Variants in ITGB8 observed in about 807,000 individuals in gnomAD.
The protein encoded by ITGB8 is integrin subunit beta 8, also known as integrin beta-8.
A neutral mutation model predicts 89.5 loss-of-function variants in ITGB8; 30 were observed. That is an observed-to-expected ratio of 0.34 (90% confidence interval 0.25 to 0.45). ITGB8 has a LOEUF of 0.45. Ranked by LOEUF, ITGB8 falls within the 20% of genes least tolerant of loss-of-function variation. The probability of loss-of-function intolerance (pLI) is 1.00; values close to 1 mark genes in which losing one functional copy is unlikely to be tolerated. For synonymous variants in ITGB8, 335 were observed against 320.4 expected (o/e 1.05, Z -0.49); for missense variants, 836 against 933.3 (o/e 0.90, Z 1.36).
At chr7:20,390,425 A>G (rs1030652196) in intron 6 of ITGB8, among the ~76,000 whole-genome samples, 1 of 152,106 alleles carries the variant, frequency 6.6e-6, no homozygotes, top group Non-Finnish European at 1.5e-5. Context: ...ACCTAACTAT[A>G]TAACTCTAGA....
At position 20,361,369 on chromosome 7, in the gene ITGB8, G is replaced by T. The variant is rs1475747881; in HGVS notation, c.128-2268G>T. On this transcript the variant is annotated intron_variant, in intron 1 of 13. Transcript: ENST00000222573. ...TGTACTGCTAAAACAAAATATCTGT[G>T]ACTGGGTAATTTACAAACAATACAA... Among the ~76,000 whole-genome samples the T allele has an allele frequency of 2.0e-5, 3 of 152,188 alleles. No individual in the cohort carries two copies. In the East Asian group the frequency reaches 5.8e-4, roughly 29 times the overall value.
chr7:20,379,356 T>C, intron 4 of ITGB8, 59 bp downstream of exon 4: 2 of 1,195,862 alleles, frequency 1.7e-6, no homozygotes, highest in Non-Finnish European at 2.3e-6. Flanking sequence ...AATCTCACTT[T>C]GTTTTTAATG....
chr7:20,392,395 C>T (rs1162867695), intron 7 of ITGB8, among the ~76,000 whole-genome samples: 1 of 152,212 alleles, frequency 6.6e-6, no homozygotes, highest in Admixed American at 6.5e-5. Context: ...TCAATAAATA[C>T]TTGAACCCAT....
intron 1 of ITGB8, among the ~76,000 whole-genome samples, chr7:20,360,362 A>G (rs75280393): frequency 8.6e-5 from 1 of 11,586 alleles, no homozygotes; most frequent in Admixed American, 6.1e-4. Flanking sequence ...TTTTTTTTTT[A>G]CTTGAGTAGC....
chr7:20,337,332 T>TA (rs888727875), intron 1 of ITGB8, among the ~76,000 whole-genome samples: 1 of 152,136 alleles, frequency 6.6e-6, no homozygotes, highest in Non-Finnish European at 1.5e-5. Flanking sequence ...ACTAAATACT[T>TA]AAAAAATTAA....
chr7:20,411,142 T>C lies in ITGB8; in HGVS notation c.*1145T>C, dbSNP rs1285868302. 7.4e-6 allele frequency: 1 copy of C among 136,054 alleles called. No individual in the cohort carries two copies. The highest frequency in any genetic ancestry group is 2.4e-4 in the South Asian group (1 of 4,204). 8.4% of individuals were successfully genotyped at this position (136,054 alleles called of 1,614,324 possible). On this transcript the variant is annotated 3_prime_UTR_variant, in exon 14 of 14. Transcript: ENST00000222573. Reference sequence around the variant, plus strand: ...TGGAGAATAGATGATATCTTAGAAATAAGCTTTTTTTTTTTTTTTTTTTTT... The same window carrying C: ...TGGAGAATAGATGATATCTTAGAAACAAGCTTTTTTTTTTTTTTTTTTTTT...
intron 3 of ITGB8, among the ~76,000 whole-genome samples, chr7:20,373,620 C>T (rs1456998334): frequency 6.6e-6 from 1 of 152,082 alleles, no homozygotes; most frequent in African/African-American, 2.4e-5. Flanking sequence ...ATTTTCTCTC[C>T]ACCCCCTGGC....
At chr7:20,348,633 G>C (rs1274040770) in intron 1 of ITGB8, among the ~76,000 whole-genome samples, 1 of 152,198 alleles carries the variant, frequency 6.6e-6, no homozygotes, top group Non-Finnish European at 1.5e-5. Context: ...AGGTGTTGGG[G>C]GTGACTTGGG....
chr7:20,367,116 T>C lies in ITGB8; in HGVS notation c.318T>C (p.Val106=), dbSNP rs758819384. 1.9e-6 allele frequency: 3 copies of C among 1,611,938 alleles called. No individual in the cohort carries two copies. The highest frequency in any genetic ancestry group is 2.2e-5 in the South Asian group (2 of 90,992). The stretch of plus-strand genomic sequence containing the variant: ...CAATAGAATACCCATCTGTGCATGT[T>C]ATAATACCCACTGAAAATGAAATTA... ...VDSIEYPSVH[V]IIPTENEINT... The change falls in exon 3 of 14, where the codon GTT becomes GTC. Residue 106 remains valine, a synonymous_variant. Coordinates refer to ENST00000222573, the MANE Select transcript of ITGB8 (RefSeq NM_002214.3).
rs533740557 is a variant in ITGB8 at position 20,335,841 on chromosome 7, C to A, written c.127+3908C>A. 5.1e-4 allele frequency among the ~76,000 whole-genome samples: 77 copies of A among 152,120 alleles called. 1 individual carries two copies. Among genetic ancestry groups the A allele is most frequent in the African/African-American group, 1.8e-3 (74 of 41,522 alleles). On this transcript the variant is annotated intron_variant, in intron 1 of 13. Coordinates refer to ENST00000222573, the MANE Select transcript of ITGB8 (RefSeq NM_002214.3). ...GTGACTTGACACTGTTGACCTTGCC[C>A]TCCTTGGAAACAGTTTTGTTGGCTT...
chr7:20,342,883 ATTAAC>A (rs2128128076), intron 1 of ITGB8, among the ~76,000 whole-genome samples: 1 of 152,308 alleles, frequency 6.6e-6, no homozygotes, highest in South Asian at 2.1e-4. Context: ...GAAGAAACAG[ATTAAC>A]TTAGCTGTCT....
At chr7:20,367,387 A>G (rs1209379577) in intron 3 of ITGB8, among the ~76,000 whole-genome samples, 1 of 152,168 alleles carries the variant, frequency 6.6e-6, no homozygotes, top group African/African-American at 2.4e-5. Flanking sequence ...AAACCTGACC[A>G]CACTATATTC....
At position 20,382,334 on chromosome 7, in the gene ITGB8, C is replaced by G. The variant is rs13438554; in HGVS notation, c.960+449C>G. Among the ~76,000 whole-genome samples, 273 of 152,230 alleles carry G rather than the reference C, an allele frequency of 1.8e-3. 1 individual carries two copies. The highest frequency in any genetic ancestry group is 6.1e-3 in the African/African-American group (253 of 41,544). On this transcript the variant is annotated intron_variant, in intron 6 of 13. Coordinates refer to ENST00000222573, the MANE Select transcript of ITGB8 (RefSeq NM_002214.3). ...AAGACAAGAGAGAAAGAGAGTCAAA[C>G]AAAGCAGGCTTTCTCTGTTTTGTAC...
chr7:20,412,107 C>T lies in ITGB8; in HGVS notation c.*2110C>T, dbSNP rs1787784020. The T allele has an allele frequency of 6.6e-6, 1 of 152,514 alleles. No homozygotes were observed. The highest frequency in any genetic ancestry group is 2.4e-5 in the African/African-American group (1 of 41,426). The allele number at this position is 152,514 out of a possible 1,614,324, so 9.4% of individuals were successfully genotyped here. On this transcript the variant is annotated 3_prime_UTR_variant, in exon 14 of 14. Coordinates refer to ENST00000222573, the MANE Select transcript of ITGB8 (RefSeq NM_002214.3). ...ATACTGCATTTTGATGAAGACTAAC[C>T]CCATCTCATATTCTACCCTAAAGAG... is the stretch of plus-strand genomic sequence containing the variant.
chr7:20,399,368 ACT>A (rs1293518704), intron 9 of ITGB8, among the ~76,000 whole-genome samples: 1 of 152,164 alleles, frequency 6.6e-6, no homozygotes, highest in East Asian at 1.9e-4. Flanking sequence ...ATATTCACAA[ACT>A]CTCAAAGTAA....
intron 1 of ITGB8, among the ~76,000 whole-genome samples, chr7:20,358,243 G>A (rs561562054): frequency 2.6e-5 from 4 of 152,162 alleles, no homozygotes; most frequent in African/African-American, 9.6e-5. Context: ...GACTACAGGT[G>A]TGAGCCACCA....
chr7:20,367,017 C>T lies in ITGB8; in HGVS notation c.219C>T (p.Phe73=), dbSNP rs1785725684. Residue 73 remains phenylalanine, a synonymous_variant, in exon 3 of 14, where the codon TTC becomes TTT. Coordinates refer to ENST00000222573, the MANE Select transcript of ITGB8 (RefSeq NM_002214.3). ...PECGWCVQED[F]ISGGSRSERC... The stretch of plus-strand genomic sequence containing the variant: ...ATTTTCTTTCTTTTAAACAGGATTT[C>T]ATTTCAGGTGGATCAAGAAGTGAAC... 1.9e-6 allele frequency: 3 copies of T among 1,604,410 alleles called. No individual in the cohort carries two copies. The highest frequency in any genetic ancestry group is 2.5e-6 in the Non-Finnish European group (3 of 1,176,542).
chr7:20,368,666 ACT>A (rs1043210935), intron 3 of ITGB8, among the ~76,000 whole-genome samples: 5 of 151,936 alleles, frequency 3.3e-5, no homozygotes, highest in African/African-American at 9.7e-5. Flanking sequence ...AAAATGTCTT[ACT>A]CTTTTTTAAA....
chr7:20,373,542 A>T (rs1253228872), intron 3 of ITGB8, among the ~76,000 whole-genome samples: 1 of 151,972 alleles, frequency 6.6e-6, no homozygotes, highest in Non-Finnish European at 1.5e-5. Flanking sequence ...TAGATTTAGT[A>T]AGATTTTCCA....
Sources: gnomAD v4.1 joint callset for allele counts (sites outside exome capture counted in the v4.1 genomes callset) on GRCh38, gnomAD v4.1.1 for gene constraint, MANE v1.5 for transcripts, NCBI Gene and HGNC (gene_info 2026-07-23, HGNC 2026-07-21) for gene names.